ACSS3: variants seen among roughly 807,000 people sequenced by gnomAD.
ACSS3 encodes the protein acyl-CoA synthetase short-chain family member 3, mitochondrial.
In ACSS3, 64 loss-of-function variants were observed where a neutral mutation model predicts 84.2. That is an observed-to-expected ratio of 0.76 (90% CI 0.62 to 0.94). The LOEUF (loss-of-function observed/expected upper bound fraction) is 0.94, where lower values mean the gene tolerates loss of function less well. Among genes scored for constraint, ACSS3 ranks in the 40% least tolerant of loss-of-function variants. The probability of loss-of-function intolerance (pLI) is 0.00; values close to 1 mark genes in which losing one functional copy is unlikely to be tolerated. For missense variants in ACSS3, 815 were observed against 867.6 expected (o/e 0.94, Z 0.76); for synonymous variants, 317 against 310.1 (o/e 1.02, Z -0.23).
Position 81,151,828 on chromosome 12 carries a change from C to G in ACSS3, c.922-16C>G. 1 of 1,605,196 alleles carries G rather than the reference C, an allele frequency of 6.2e-7. No homozygotes were observed. The highest frequency in any genetic ancestry group is 8.5e-7 in the Non-Finnish European group (1 of 1,175,986). On this transcript the variant is annotated splice_polypyrimidine_tract_variant and intron_variant, in intron 5 of 15. Coordinates refer to ENST00000548058, the MANE Select transcript of ACSS3 (RefSeq NM_024560.4). ...ACATTGTTTATTGATTTTAATTTCACTTTTTCTCTCCTTAGGGTGTGATTA... is the reference window on the plus strand; with the variant it reads ...ACATTGTTTATTGATTTTAATTTCAGTTTTTCTCTCCTTAGGGTGTGATTA...
chr12:81,190,808 T>C (rs1190039797), intron 8 of ACSS3, among the ~76,000 whole-genome samples: 3 of 152,028 alleles, frequency 2.0e-5, no homozygotes, highest in African/African-American at 7.2e-5. Context: ...GTTTGGGATT[T>C]TATCTATGTT....
chr12:81,205,555 C>T, intron 9 of ACSS3, among the ~76,000 whole-genome samples: 1 of 152,204 alleles, frequency 6.6e-6, no homozygotes, highest in South Asian at 2.1e-4. Flanking sequence ...AACTACAGCC[C>T]TGTCTCATTC....
intron 1 of ACSS3, chr12:81,104,847 A>G (rs1882838740): frequency 6.6e-6 from 1 of 152,254 alleles, no homozygotes; most frequent in South Asian, 2.1e-4. Flanking sequence ...GAAGATTTAA[A>G]TCAGATTATT....
chr12:81,186,164 G>C (rs2031241097), intron 8 of ACSS3, among the ~76,000 whole-genome samples: 1 of 151,666 alleles, frequency 6.6e-6, no homozygotes, highest in African/African-American at 2.4e-5. Flanking sequence ...ACATATAAAA[G>C]AAGGAAATTG....
chr12:81,130,787 C>A (rs1885444776), intron 2 of ACSS3, among the ~76,000 whole-genome samples: 1 of 152,158 alleles, frequency 6.6e-6, no homozygotes, highest in African/African-American at 2.4e-5. Context: ...TTTAATCCAT[C>A]TTGAATTAAT....
intron 5 of ACSS3, among the ~76,000 whole-genome samples, chr12:81,145,115 A>C (rs1886277220): frequency 8.4e-6 from 1 of 119,600 alleles, no homozygotes. Context: ...ATGGGGTTTC[A>C]CTGTGTTAGC....
intron 9 of ACSS3, among the ~76,000 whole-genome samples, chr12:81,210,763 C>T (rs1364498306): frequency 1.3e-5 from 2 of 151,938 alleles, no homozygotes; most frequent in African/African-American, 2.4e-5. Context: ...ATAGGTATAC[C>T]GTAGTTCTTG....
intron 12 of ACSS3, among the ~76,000 whole-genome samples, chr12:81,232,360 G>A (rs1453025778): frequency 6.6e-6 from 1 of 151,726 alleles, no homozygotes; most frequent in African/African-American, 2.4e-5. Flanking sequence ...TCTCAAACCT[G>A]TTATTTGAGG....
At chr12:81,098,960 C>T (rs1236492118) in intron 1 of ACSS3, among the ~76,000 whole-genome samples, 1 of 152,004 alleles carries the variant, frequency 6.6e-6, no homozygotes, top group Non-Finnish European at 1.5e-5. Context: ...GAACATGTTC[C>T]CAGTTATAAT....
Position 81,078,099 on chromosome 12 carries a change from G to A in ACSS3, c.-22G>A. On this transcript the variant is annotated 5_prime_UTR_variant, in exon 1 of 16. Transcript: ENST00000548058. ...AGAGTACCATTTGTCGCACACTCGG[G>A]GACCGCGGGTGGCCGGAGGAGATGA... is the stretch of plus-strand genomic sequence containing the variant. The A allele has an allele frequency of 6.8e-7, 1 of 1,459,960 alleles. No individual in the cohort carries two copies. The highest frequency in any genetic ancestry group is 9.0e-7 in the Non-Finnish European group (1 of 1,107,688). 90.4% of individuals were successfully genotyped at this position (1,459,960 alleles called of 1,614,324 possible).
chr12:81,146,276 T>C (rs2135740406), intron 5 of ACSS3, among the ~76,000 whole-genome samples: 1 of 152,308 alleles, frequency 6.6e-6, no homozygotes, highest in African/African-American at 2.4e-5. Flanking sequence ...TCCTTATTCA[T>C]ACAATTCTCG....
chr12:81,134,860 A>C lies in ACSS3; in HGVS notation c.501A>C (p.Lys167Asn). Residue 167 changes from lysine (K) to asparagine (N), a missense_variant, in exon 3 of 16, where the codon AAA becomes AAC. By Grantham distance (94) the Lys-to-Asn change is moderately conservative. Transcript: ENST00000548058. ...TCTTGGTCAAGCATGGCATCAAGAA[A>C]GGTGACACTGTGGTTATCTACATGC... is the stretch of plus-strand genomic sequence containing the variant. ...AGVLVKHGIK[K>N]GDTVVIYMPM... 1 of 1,591,068 alleles carries C rather than the reference A, an allele frequency of 6.3e-7. No homozygotes were observed. The highest frequency in any genetic ancestry group is 1.7e-5 in the Admixed American group (1 of 57,748).
chr12:81,203,609 A>G (rs1188681967), intron 9 of ACSS3, among the ~76,000 whole-genome samples: 2 of 152,110 alleles, frequency 1.3e-5, no homozygotes, highest in Non-Finnish European at 2.9e-5. Flanking sequence ...ACAGATTAGC[A>G]CCCTCCACCC....
At chr12:81,202,466 G>T (rs150467037) in intron 9 of ACSS3, among the ~76,000 whole-genome samples, 1 of 152,046 alleles carries the variant, frequency 6.6e-6, no homozygotes, top group African/African-American at 2.4e-5. Context: ...TCCTAGTTTT[G>T]TATATCAAAT....
At chr12:81,199,511 G>T in intron 9 of ACSS3, 67 bp downstream of exon 9, 1 of 1,536,840 alleles carries the variant, frequency 6.5e-7, no homozygotes, top group South Asian at 1.2e-5. Flanking sequence ...AGGATTGGAG[G>T]AAACTTTTGA....
chr12:81,120,056 G>A (rs1884446272), intron 2 of ACSS3, among the ~76,000 whole-genome samples: 2 of 148,494 alleles, frequency 1.3e-5, no homozygotes, highest in South Asian at 2.2e-4. Flanking sequence ...GTAGAAGCTG[G>A]GTCAAGTAAT....
At chr12:81,130,014 C>T (rs1885386994) in intron 2 of ACSS3, among the ~76,000 whole-genome samples, 1 of 152,132 alleles carries the variant, frequency 6.6e-6, no homozygotes, top group African/African-American at 2.4e-5. Flanking sequence ...TTTTCTTAAT[C>T]CAATCTATCA....
intron 7 of ACSS3, among the ~76,000 whole-genome samples, chr12:81,168,561 C>T (rs940319782): frequency 1.3e-5 from 2 of 152,122 alleles, no homozygotes; most frequent in Non-Finnish European, 2.9e-5. Context: ...TTAAAGGTCT[C>T]TGGGTAATAC....
intron 1 of ACSS3, among the ~76,000 whole-genome samples, chr12:81,105,543 C>T (rs1267454429): frequency 2.0e-5 from 3 of 152,154 alleles, no homozygotes; most frequent in Non-Finnish European, 2.9e-5. Flanking sequence ...ACCACGTGCC[C>T]TGGGTATTCT....
Sources: allele counts gnomAD v4.1 joint callset (sites outside exome capture counted in the v4.1 genomes callset), GRCh38; gene constraint gnomAD v4.1.1; transcripts MANE v1.5; gene names NCBI Gene and HGNC (gene_info 2026-07-23, HGNC 2026-07-21).